MYRIP: variants seen among roughly 807,000 people sequenced by gnomAD.
MYRIP encodes myosin VIIA and Rab interacting protein, also known as rab effector MyRIP.
A neutral mutation model predicts 98.0 loss-of-function variants in MYRIP; 49 were observed. That is an observed-to-expected ratio of 0.50 (90% CI 0.40 to 0.63). The LOEUF (loss-of-function observed/expected upper bound fraction) is 0.63, where lower values mean the gene tolerates loss of function less well. Ranked by LOEUF, MYRIP falls within the 30% of genes least tolerant of loss-of-function variation. MYRIP has a pLI of 0.00. For missense variants in MYRIP, 1,004 were observed against 1,058.2 expected (o/e 0.95, Z 0.71); for synonymous variants, 404 against 409.5 (o/e 0.99, Z 0.16).
chr3:40,218,626 A>AT (rs1553629258), intron 11 of MYRIP, among the ~76,000 whole-genome samples: 9 of 14,826 alleles, frequency 6.1e-4, no homozygotes, highest in South Asian at 3.4e-3. Context: ...ATATATATAT[A>AT]TATATATATA....
At chr3:40,007,834 GGTCA>G in intron 2 of MYRIP, among the ~76,000 whole-genome samples, 1 of 152,300 alleles carries the variant, frequency 6.6e-6, no homozygotes, top group East Asian at 1.9e-4. Context: ...TCTTCAGGGA[GGTCA>G]GTCTTTTTCT....
At chr3:40,082,137 A>C (rs1948492604) in intron 3 of MYRIP, among the ~76,000 whole-genome samples, 1 of 152,202 alleles carries the variant, frequency 6.6e-6, no homozygotes, top group Non-Finnish European at 1.5e-5. Flanking sequence ...ACCCTTGTAC[A>C]CTGTTGTTGA....
chr3:40,043,691 T>G (rs1396140118), intron 2 of MYRIP, among the ~76,000 whole-genome samples: 8 of 152,198 alleles, frequency 5.3e-5, no homozygotes, highest in African/African-American at 1.7e-4. Flanking sequence ...TCATAAGTGA[T>G]CTCCTGCTCC....
intron 3 of MYRIP, among the ~76,000 whole-genome samples, chr3:40,084,260 AATAT>A (rs1296603987): frequency 2.4e-4 from 17 of 70,308 alleles, no homozygotes; most frequent in Non-Finnish European, 4.0e-4. Flanking sequence ...TAATATATAA[AATAT>A]ATAATACACA....
At chr3:40,073,730 T>C (rs939948734) in intron 3 of MYRIP, among the ~76,000 whole-genome samples, 3 of 152,156 alleles carry the variant, frequency 2.0e-5, no homozygotes, top group African/African-American at 7.2e-5. Flanking sequence ...AAGGGACGTT[T>C]CAGAACATTC....
intron 4 of MYRIP, among the ~76,000 whole-genome samples, chr3:40,154,837 A>G (rs1559424175): frequency 6.6e-6 from 1 of 152,208 alleles, no homozygotes; most frequent in African/African-American, 2.4e-5. Flanking sequence ...GAAGCACTAC[A>G]TGAAAAAGGT....
rs1051189073 is a variant in MYRIP, at chr3:40,022,474, G to A, written c.111-21576G>A. Among the ~76,000 whole-genome samples, 12 of 152,336 alleles carry A rather than the reference G, an allele frequency of 7.9e-5. No individual in the cohort carries two copies. In the East Asian group the frequency reaches 1.9e-3, roughly 25 times the overall value. ...GAGGAAAGGACACAGGCATGCACAG[G>A]GATGGAGCACTCTTTACAGCTCAAG... On this transcript the variant is annotated intron_variant, in intron 2 of 16. Coordinates refer to ENST00000302541, the MANE Select transcript of MYRIP (RefSeq NM_015460.4).
intron 13 of MYRIP, among the ~76,000 whole-genome samples, chr3:40,249,063 TCAC>T (rs1953288963): frequency 1.3e-5 from 2 of 152,278 alleles, no homozygotes; most frequent in South Asian, 4.1e-4. Flanking sequence ...ATAGCTCCTA[TCAC>T]AGTAGACTTT....
intron 10 of MYRIP, among the ~76,000 whole-genome samples, chr3:40,204,374 G>A (rs1363799290): frequency 6.7e-6 from 1 of 149,114 alleles, no homozygotes; most frequent in South Asian, 2.1e-4. Flanking sequence ...TAGAGACAGG[G>A]TTTTGCCATT....
At chr3:40,185,453 G>C (rs1951006761) in intron 9 of MYRIP, among the ~76,000 whole-genome samples, 1 of 152,164 alleles carries the variant, frequency 6.6e-6, no homozygotes, top group African/African-American at 2.4e-5. Flanking sequence ...CAGGAATTTG[G>C]AGAAAGAGGA....
intron 3 of MYRIP, among the ~76,000 whole-genome samples, chr3:40,095,783 T>G (rs1948817548): frequency 6.6e-6 from 1 of 151,762 alleles, no homozygotes; most frequent in South Asian, 2.1e-4. Context: ...TCCCTCACAG[T>G]ATGCTGTCAC....
intron 3 of MYRIP, among the ~76,000 whole-genome samples, chr3:40,130,605 C>T (rs1490048543): frequency 3.3e-5 from 5 of 151,912 alleles, no homozygotes; most frequent in Admixed American, 1.3e-4. Flanking sequence ...TGGTCTCAAT[C>T]TCCTGACCTC....
intron 3 of MYRIP, among the ~76,000 whole-genome samples, chr3:40,129,990 T>G (rs967841680): frequency 1.3e-5 from 2 of 152,250 alleles, no homozygotes; most frequent in African/African-American, 2.4e-5. Context: ...TCCCTTGAAG[T>G]GATTAGTATT....
intron 2 of MYRIP, among the ~76,000 whole-genome samples, chr3:39,934,994 G>A (rs966846525): frequency 3.9e-5 from 6 of 152,160 alleles, no homozygotes; most frequent in Non-Finnish European, 4.4e-5. Context: ...TGCCTTACAT[G>A]TCAGTGACAG....
chr3:39,814,519 T>G (rs1049719410), intron 1 of MYRIP, among the ~76,000 whole-genome samples: 1 of 152,192 alleles, frequency 6.6e-6, no homozygotes, highest in African/African-American at 2.4e-5. Flanking sequence ...TTTTCCATAT[T>G]GAAAACCATT....
At chr3:39,914,242 C>T (rs573496382) in intron 2 of MYRIP, among the ~76,000 whole-genome samples, 64 of 152,188 alleles carry the variant, frequency 4.2e-4, no homozygotes, top group South Asian at 2.3e-3. Flanking sequence ...ACAAATAAGA[C>T]GGATAACATT....
intron 1 of MYRIP, among the ~76,000 whole-genome samples, chr3:39,889,836 T>C (rs1207349477): frequency 6.6e-6 from 1 of 152,160 alleles, no homozygotes; most frequent in Admixed American, 6.6e-5. Flanking sequence ...TCTGAAATTA[T>C]AAAAGAATCA....
chr3:40,170,207 A>G, intron 8 of MYRIP, 114 bp downstream of exon 8: 4 of 1,363,458 alleles, frequency 2.9e-6, no homozygotes, highest in Non-Finnish European at 4.0e-6. Flanking sequence ...TTTCAGAAGG[A>G]TGGGGAGCGA....
At chr3:39,899,191 TA>T (rs992385546) in intron 1 of MYRIP, among the ~76,000 whole-genome samples, 8 of 151,276 alleles carry the variant, frequency 5.3e-5, no homozygotes, top group South Asian at 2.1e-4. Context: ...CCTTATGATC[TA>T]AAAAAAAATA....
Sources: gnomAD v4.1 joint callset for allele counts (sites outside exome capture counted in the v4.1 genomes callset) on GRCh38, gnomAD v4.1.1 for gene constraint, MANE v1.5 for transcripts, NCBI Gene and HGNC (gene_info 2026-07-23, HGNC 2026-07-21) for gene names.